NLGN1: variants seen among roughly 807,000 people sequenced by gnomAD.
The protein encoded by NLGN1 is neuroligin-1.
In NLGN1, 12 loss-of-function variants were observed where a neutral mutation model predicts 65.5. The ratio of observed to expected loss-of-function variants is 0.18; its 90% CI spans 0.12 to 0.30. The LOEUF is 0.30. Ranked by LOEUF, NLGN1 falls within the 10% of genes least tolerant of loss-of-function variation. The probability of loss-of-function intolerance (pLI) is 1.00; values close to 1 mark genes in which losing one functional copy is unlikely to be tolerated. For missense variants in NLGN1, 750 were observed against 1,007.1 expected (o/e 0.74, Z 3.46); for synonymous variants, 350 against 359.5 (o/e 0.97, Z 0.30).
At chr3:174,288,567 A>C (rs192341363), downstream of NLGN1, among the ~76,000 whole-genome samples, 98 of 151,564 alleles carry the variant, frequency 6.5e-4, no homozygotes, top group Non-Finnish European at 1.0e-3. Flanking sequence ...GATGGCTTTC[A>C]TATCTTCCAT....
intron 4 of NLGN1, among the ~76,000 whole-genome samples, chr3:174,072,967 ATAAAT>A (rs1740207180): frequency 1.3e-5 from 2 of 152,182 alleles, no homozygotes; most frequent in Admixed American, 6.6e-5. Context: ...TTTCTGATTA[ATAAAT>A]TAAATGACTG....
intron 2 of NLGN1, among the ~76,000 whole-genome samples, chr3:173,553,453 G>A (rs774882929): frequency 2.0e-5 from 3 of 152,170 alleles, no homozygotes; most frequent in Non-Finnish European, 4.4e-5. Flanking sequence ...TGAACTATGT[G>A]TAAGTGCAAT....
At chr3:174,093,167 C>G (rs16833234) in intron 4 of NLGN1, among the ~76,000 whole-genome samples, 1 of 151,970 alleles carries the variant, frequency 6.6e-6, no homozygotes, top group African/African-American at 2.4e-5. Context: ...TTGCATTAGC[C>G]GGAAAGGTAT....
intron 3 of NLGN1, among the ~76,000 whole-genome samples, chr3:173,611,568 A>G (rs1439735821): frequency 6.6e-6 from 1 of 152,068 alleles, no homozygotes. Flanking sequence ...GTAAAACTAT[A>G]TTGAACCAGA....
intron 4 of NLGN1, among the ~76,000 whole-genome samples, chr3:173,933,677 G>C (rs970148927): frequency 6.6e-6 from 1 of 152,090 alleles, no homozygotes; most frequent in Admixed American, 6.6e-5. Flanking sequence ...ATGATGAAAT[G>C]ATAATGACTA....
chr3:173,901,539 A>G (rs1737386882), intron 4 of NLGN1, among the ~76,000 whole-genome samples: 1 of 151,928 alleles, frequency 6.6e-6, no homozygotes, highest in African/African-American at 2.4e-5. Context: ...CAGGGTATGC[A>G]TATTCTGTAT....
chr3:173,745,595 T>C (rs1249052133), intron 3 of NLGN1, among the ~76,000 whole-genome samples: 2 of 152,016 alleles, frequency 1.3e-5, no homozygotes, highest in East Asian at 3.9e-4. Context: ...TGTTTGAGAC[T>C]GAAAGGAATT....
At chr3:173,471,484 G>A (rs1000661437) in intron 2 of NLGN1, among the ~76,000 whole-genome samples, 5 of 152,038 alleles carry the variant, frequency 3.3e-5, no homozygotes, top group Non-Finnish European at 7.4e-5. Flanking sequence ...ATGTAGCTCT[G>A]TGTCAAAATT....
At chr3:173,609,863 G>T (rs1194551178) in intron 3 of NLGN1, among the ~76,000 whole-genome samples, 7 of 151,844 alleles carry the variant, frequency 4.6e-5, no homozygotes, top group Admixed American at 1.3e-4. Flanking sequence ...AGTGAAAATA[G>T]TTAAAAATAA....
chr3:173,658,244 C>T (rs1434169962), intron 3 of NLGN1, among the ~76,000 whole-genome samples: 1 of 151,896 alleles, frequency 6.6e-6, no homozygotes, highest in Non-Finnish European at 1.5e-5. Context: ...TTCTCATTTT[C>T]CATAGGTCTG....
At chr3:174,184,190 G>A (rs1410818244) in intron 4 of NLGN1, among the ~76,000 whole-genome samples, 1 of 151,886 alleles carries the variant, frequency 6.6e-6, no homozygotes, top group East Asian at 1.9e-4. Context: ...TTAAAAGACT[G>A]TCATTTATAC....
intron 4 of NLGN1, among the ~76,000 whole-genome samples, chr3:173,838,423 A>C (rs1234605254): frequency 4.6e-5 from 7 of 152,154 alleles, no homozygotes; most frequent in Non-Finnish European, 7.4e-5. Context: ...GAACCTCTAC[A>C]TAATGGTTTG....
At chr3:173,538,165 G>C (rs1053473212) in intron 2 of NLGN1, among the ~76,000 whole-genome samples, 8 of 152,116 alleles carry the variant, frequency 5.3e-5, no homozygotes, top group Admixed American at 6.6e-5. Context: ...TGAATCCTGG[G>C]AGAAACAGCA....
At chr3:174,237,701 C>A (rs749703918) in intron 4 of NLGN1, among the ~76,000 whole-genome samples, 3 of 152,092 alleles carry the variant, frequency 2.0e-5, no homozygotes, top group Non-Finnish European at 4.4e-5. Context: ...GAATTACAGG[C>A]ACCCACCATA....
At chr3:173,526,938 A>G (rs1735741973) in intron 2 of NLGN1, among the ~76,000 whole-genome samples, 1 of 152,176 alleles carries the variant, frequency 6.6e-6, no homozygotes, top group African/African-American at 2.4e-5. Flanking sequence ...ATTCGTTTTT[A>G]TGGCTGAATT....
chr3:174,098,847 G>A (rs1052728248), intron 4 of NLGN1, among the ~76,000 whole-genome samples: 5 of 152,082 alleles, frequency 3.3e-5, no homozygotes, highest in African/African-American at 1.2e-4. Flanking sequence ...CATGTTGTAA[G>A]CAAACACCAA....
At chr3:174,225,657 G>C (rs1199825193) in intron 4 of NLGN1, among the ~76,000 whole-genome samples, 1 of 152,104 alleles carries the variant, frequency 6.6e-6, no homozygotes, top group African/African-American at 2.4e-5. Flanking sequence ...CGTGAGCCCG[G>C]GAGGCGGAGC....
intron 4 of NLGN1, among the ~76,000 whole-genome samples, chr3:174,136,928 A>G (rs1373889198): frequency 6.6e-6 from 1 of 152,100 alleles, no homozygotes; most frequent in African/African-American, 2.4e-5. Context: ...AATACCGTAA[A>G]TGGAAAGTGC....
intron 3 of NLGN1, among the ~76,000 whole-genome samples, chr3:173,730,050 T>C (rs1772514916): frequency 1.3e-5 from 2 of 151,834 alleles, no homozygotes; most frequent in African/African-American, 4.8e-5. Context: ...AAAAAAAAAC[T>C]ATTTATTGAG....
Sources: gnomAD v4.1 joint callset for allele counts (sites outside exome capture counted in the v4.1 genomes callset) on GRCh38, gnomAD v4.1.1 for gene constraint, MANE v1.5 for transcripts, NCBI Gene and HGNC (gene_info 2026-07-23, HGNC 2026-07-21) for gene names.